Variants in PRKN observed in about 807,000 individuals in gnomAD.
PRKN encodes parkin RBR E3 ubiquitin protein ligase.
PRKN carries 56 observed loss-of-function variants against 59.5 expected under a neutral mutation model. That is an observed-to-expected ratio of 0.94 (90% confidence interval 0.76 to 1.18). PRKN has a LOEUF of 1.18. PRKN is among the 50% of genes most tolerant of loss of function. The pLI is 0.00. For missense variants in PRKN, 657 were observed against 596.4 expected (o/e 1.10, Z -1.06); for synonymous variants, 250 against 222.1 (o/e 1.13, Z -1.12).
intron 9 of PRKN, among the ~76,000 whole-genome samples, chr6:161,501,465 T>C (rs1156765624): frequency 6.6e-6 from 1 of 152,244 alleles, no homozygotes; most frequent in Non-Finnish European, 1.5e-5. Flanking sequence ...TTTAATCTTG[T>C]TGATAGTTTT....
intron 2 of PRKN, chr6:162,263,390 C>G (rs1023839880): frequency 1.2e-5 from 2 of 172,110 alleles, no homozygotes; most frequent in Non-Finnish European, 2.5e-5. Context: ...TTTGAGTAGG[C>G]TCCACACACA....
chr6:162,611,010 C>T (rs1428054248), intron 1 of PRKN, among the ~76,000 whole-genome samples: 1 of 152,028 alleles, frequency 6.6e-6, no homozygotes, highest in Non-Finnish European at 1.5e-5. Context: ...AGATTTATTT[C>T]CCTAAGAAAT....
chr6:162,465,829 A>T (rs138493961), intron 1 of PRKN, among the ~76,000 whole-genome samples: 2 of 152,342 alleles, frequency 1.3e-5, no homozygotes, highest in East Asian at 3.9e-4. Context: ...CTAAAATTAA[A>T]TTCAGGAGGG....
At chr6:162,659,187 C>T (rs756660255) in intron 1 of PRKN, among the ~76,000 whole-genome samples, 1 of 152,116 alleles carries the variant, frequency 6.6e-6, no homozygotes, top group South Asian at 2.1e-4. Context: ...ATTCTAAATA[C>T]AATTCATTTC....
At chr6:162,505,256 T>C (rs113161538) in intron 1 of PRKN, among the ~76,000 whole-genome samples, 1 of 119,110 alleles carries the variant, frequency 8.4e-6, no homozygotes, top group Non-Finnish European at 1.9e-5. Context: ...AATGCAGCCT[T>C]ATTTGTAATT....
intron 3 of PRKN, among the ~76,000 whole-genome samples, chr6:162,212,191 G>C (rs935859741): frequency 6.6e-6 from 1 of 152,032 alleles, no homozygotes; most frequent in East Asian, 1.9e-4. Flanking sequence ...ACTCCTTGCT[G>C]TAAGTTCCCT....
At chr6:162,678,451 C>A (rs1220184648) in intron 1 of PRKN, among the ~76,000 whole-genome samples, 3 of 152,314 alleles carry the variant, frequency 2.0e-5, no homozygotes, top group South Asian at 2.1e-4. Flanking sequence ...TACTCTGTAT[C>A]CTCACCCGTA....
intron 1 of PRKN, among the ~76,000 whole-genome samples, chr6:162,460,340 T>C (rs1350829209): frequency 6.6e-6 from 1 of 152,132 alleles, no homozygotes; most frequent in Admixed American, 6.6e-5. Context: ...AGTGCATTAG[T>C]GATTGCCTAA....
intron 1 of PRKN, among the ~76,000 whole-genome samples, 155 bp downstream of exon 1, chr6:162,727,507 G>T (rs1779326776): frequency 6.6e-6 from 1 of 152,140 alleles, no homozygotes; most frequent in African/African-American, 2.4e-5. Flanking sequence ...CGCTGAGCTG[G>T]GGAGCCCGGC....
At chr6:162,279,553 T>C (rs1780793486) in intron 2 of PRKN, among the ~76,000 whole-genome samples, 1 of 150,912 alleles carries the variant, frequency 6.6e-6, no homozygotes, top group South Asian at 2.1e-4. Context: ...GAGAGACTGT[T>C]TGTTATGATT....
In PRKN at chr6:161,423,681, G is replaced by A. The variant is rs1365424767; in HGVS notation, c.1084-36804C>T. Among the ~76,000 whole-genome samples the A allele has an allele frequency of 6.6e-6, 1 of 152,068 alleles. No individual in the cohort carries two copies. Among genetic ancestry groups the A allele is most frequent in the Non-Finnish European group, 1.5e-5 (1 of 67,998 alleles). ...CCTCTGCACACTCTAGCTACAGCAGGGCCTTACCATGGCTCATTGTCCCAC... is the reference window on the plus strand; with the variant it reads ...CCTCTGCACACTCTAGCTACAGCAGAGCCTTACCATGGCTCATTGTCCCAC... On this transcript the variant is annotated intron_variant, in intron 9 of 11. Transcript: ENST00000366898. This position sits in a 1 kb window ranked among gnomAD's most constrained non-coding sequence, Gnocchi z 5.9.
chr6:162,141,404 C>A (rs1781775102), intron 4 of PRKN, among the ~76,000 whole-genome samples: 1 of 151,912 alleles, frequency 6.6e-6, no homozygotes, highest in Non-Finnish European at 1.5e-5. Flanking sequence ...TTTGATAAAC[C>A]AAGTTAAATA....
At chr6:162,686,239 T>TA (rs1779973769) in intron 1 of PRKN, among the ~76,000 whole-genome samples, 2 of 152,050 alleles carry the variant, frequency 1.3e-5, no homozygotes, top group Non-Finnish European at 2.9e-5. Flanking sequence ...GCTGAAAACT[T>TA]AAAGGGTCAG....
chr6:162,209,960 G>C (rs570218611), intron 3 of PRKN, among the ~76,000 whole-genome samples: 1 of 151,714 alleles, frequency 6.6e-6, no homozygotes, highest in East Asian at 1.9e-4. Flanking sequence ...CCTGTTGTGG[G>C]ATGGGGAGAG....
At chr6:161,610,842 G>A (rs950959842) in intron 7 of PRKN, among the ~76,000 whole-genome samples, 3 of 152,154 alleles carry the variant, frequency 2.0e-5, no homozygotes, top group Admixed American at 2.0e-4. Flanking sequence ...AAGAAGGGTC[G>A]TCCACGTGGC....
intron 4 of PRKN, among the ~76,000 whole-genome samples, chr6:162,118,505 TA>T (rs1780772560): frequency 6.6e-6 from 1 of 152,212 alleles, no homozygotes; most frequent in Non-Finnish European, 1.5e-5. Context: ...TTTTCAATAT[TA>T]TACATGAATG....
chr6:162,061,651 G>A (rs557588945), intron 4 of PRKN, among the ~76,000 whole-genome samples: 12 of 152,266 alleles, frequency 7.9e-5, no homozygotes, highest in African/African-American at 2.9e-4. Flanking sequence ...ACAAAGCCAA[G>A]CACAGTGCCG....
intron 5 of PRKN, among the ~76,000 whole-genome samples, chr6:161,998,553 C>A (rs1781930258): frequency 6.6e-6 from 1 of 152,090 alleles, no homozygotes; most frequent in South Asian, 2.1e-4. Context: ...AGGGCTCCAT[C>A]CAGTTATCCT....
intron 1 of PRKN, among the ~76,000 whole-genome samples, chr6:162,644,083 T>A (rs907772122): frequency 6.6e-6 from 1 of 152,148 alleles, no homozygotes; most frequent in Non-Finnish European, 1.5e-5. Flanking sequence ...TCCAAGTAGG[T>A]TGAACGCTCC....
Sources: gnomAD v4.1 joint callset for allele counts (sites outside exome capture counted in the v4.1 genomes callset) on GRCh38, gnomAD v4.1.1 for gene constraint, Gnocchi (gnomAD v3.1) non-coding constraint, MANE v1.5 for transcripts, NCBI Gene and HGNC (gene_info 2026-07-23, HGNC 2026-07-21) for gene names.